WDR7: variants seen among roughly 807,000 people sequenced by gnomAD.
WDR7 encodes the protein WD repeat domain 7, also known as WD repeat-containing protein 7.
A neutral mutation model predicts 169.4 loss-of-function variants in WDR7; 46 were observed. The observed-to-expected ratio is 0.27, with a 90% confidence interval of 0.21 to 0.35. The LOEUF (loss-of-function observed/expected upper bound fraction) is 0.35. WDR7 is among the 10% of genes least tolerant of loss of function. WDR7 has a pLI of 1.00. For synonymous variants in WDR7, 612 were observed against 666.8 expected (o/e 0.92, Z 1.27); for missense variants, 1,534 against 1,859.3 (o/e 0.83, Z 3.22).
At chr18:56,928,545 T>C (rs1266494368) in intron 22 of WDR7, among the ~76,000 whole-genome samples, 7 of 152,198 alleles carry the variant, frequency 4.6e-5, no homozygotes, top group Non-Finnish European at 1.0e-4. Context: ...AAAGAATTGG[T>C]GTGTCTTGAC....
intron 21 of WDR7, among the ~76,000 whole-genome samples, chr18:56,892,041 AC>A (rs2046271217): frequency 6.6e-6 from 1 of 152,060 alleles, no homozygotes; most frequent in Non-Finnish European, 1.5e-5. Flanking sequence ...TACATTATAG[AC>A]CCTGCCTGTC....
intron 26 of WDR7, among the ~76,000 whole-genome samples, chr18:57,001,640 C>T (rs2145887913): frequency 6.6e-6 from 1 of 152,248 alleles, no homozygotes; most frequent in East Asian, 1.9e-4. Flanking sequence ...GTGACCACCA[C>T]CATAATCAGG....
intron 26 of WDR7, among the ~76,000 whole-genome samples, chr18:56,968,111 C>T (rs78396909): frequency 6.8e-6 from 1 of 147,580 alleles, no homozygotes; most frequent in South Asian, 2.2e-4. Flanking sequence ...TGAAGGGCTA[C>T]CAAAAAAAAA....
At chr18:56,733,863 T>C (rs776845054) in intron 14 of WDR7, among the ~76,000 whole-genome samples, 4 of 152,192 alleles carry the variant, frequency 2.6e-5, no homozygotes, top group East Asian at 3.8e-4. Flanking sequence ...ATTCAGTCTT[T>C]TTGAGAGCAG....
chr18:57,020,769 A>G lies in WDR7; in HGVS notation c.4189A>G (p.Ile1397Val), dbSNP rs574508992. The part of the protein sequence containing the change: ...CQTIHGHKGP[I>V]TAVAFAPDGR... Reference sequence around the variant, plus strand: ...GACAATCCATGGACACAAGGGACCAATCACTGCAGTGGCTTTTGCTCCTGA... The same window carrying G: ...GACAATCCATGGACACAAGGGACCAGTCACTGCAGTGGCTTTTGCTCCTGA... Residue 1397 changes from isoleucine to valine, a missense_variant, in exon 27 of 28, where the codon ATC becomes GTC. Ile to Val is a conservative substitution (Grantham distance 29, BLOSUM62 3). Transcript: ENST00000254442. The G allele has an allele frequency of 1.7e-4, 281 of 1,614,212 alleles. 8 individuals carry two copies. In the South Asian group the frequency reaches 2.7e-3, roughly 16 times the overall value.
intron 21 of WDR7, among the ~76,000 whole-genome samples, chr18:56,887,236 G>T (rs2046209795): frequency 6.6e-6 from 1 of 152,120 alleles, no homozygotes; most frequent in Non-Finnish European, 1.5e-5. Flanking sequence ...TATGGAAAGG[G>T]GTTCTGGAGT....
intron 20 of WDR7, among the ~76,000 whole-genome samples, chr18:56,857,968 C>T (rs1408010634): frequency 1.3e-5 from 2 of 152,038 alleles, no homozygotes; most frequent in African/African-American, 4.8e-5. Context: ...GCATTCTCTG[C>T]TTGGTCCCCT....
intron 19 of WDR7, among the ~76,000 whole-genome samples, chr18:56,799,748 A>G (rs2044642375): frequency 6.6e-6 from 1 of 152,198 alleles, no homozygotes; most frequent in Non-Finnish European, 1.5e-5. Flanking sequence ...GCTGTGAAAC[A>G]TTCTAACTGA....
chr18:56,660,245 T>G (rs960965024), intron 1 of WDR7, among the ~76,000 whole-genome samples: 1 of 152,172 alleles, frequency 6.6e-6, no homozygotes, highest in Non-Finnish European at 1.5e-5. Flanking sequence ...GAGAAACTTA[T>G]TAGCTATCCA....
chr18:57,004,824 C>T (rs965141958), intron 26 of WDR7, among the ~76,000 whole-genome samples: 1 of 152,130 alleles, frequency 6.6e-6, no homozygotes, highest in Non-Finnish European at 1.5e-5. Flanking sequence ...CCCATTATGA[C>T]ATTGAGTTCT....
chr18:56,806,855 C>T (rs2044781519), intron 19 of WDR7, among the ~76,000 whole-genome samples: 2 of 152,058 alleles, frequency 1.3e-5, no homozygotes, highest in Non-Finnish European at 2.9e-5. Context: ...TATACCATTG[C>T]ACAGTTATTA....
At position 57,027,168 on chromosome 18, in the gene WDR7, C is replaced by T. The variant is rs370229127; in HGVS notation, c.4434C>T (p.Leu1478=). 25 of 1,614,016 alleles carry T rather than the reference C, an allele frequency of 1.5e-5. No homozygotes were observed. In the African/African-American group the frequency reaches 3.3e-4, roughly 22 times the overall value. The part of the protein sequence containing the change: ...LIWTSNRNVI[L]MAHDGKEHRF... Reference sequence around the variant, plus strand: ...GGACTTCCAACCGCAACGTCATCCTCATGGCCCATGACGGGAAGGAGCACC... The same window carrying T: ...GGACTTCCAACCGCAACGTCATCCTTATGGCCCATGACGGGAAGGAGCACC... The change falls in exon 28 of 28, where the codon CTC becomes CTT. Residue 1478 remains leucine (L), a synonymous_variant. Coordinates refer to ENST00000254442, the MANE Select transcript of WDR7 (RefSeq NM_015285.3).
chr18:57,015,914 A>G (rs2048199237), intron 26 of WDR7, among the ~76,000 whole-genome samples: 1 of 152,134 alleles, frequency 6.6e-6, no homozygotes, highest in African/African-American at 2.4e-5. Context: ...TTTTGACTCC[A>G]TACACACACA....
chr18:56,805,593 G>T (rs996061468), intron 19 of WDR7, among the ~76,000 whole-genome samples: 4 of 151,860 alleles, frequency 2.6e-5, no homozygotes, highest in Non-Finnish European at 5.9e-5. Flanking sequence ...AACTGCTTCT[G>T]GCTCTACCCA....
At chr18:56,955,951 A>G (rs560479813) in intron 25 of WDR7, among the ~76,000 whole-genome samples, 84 of 152,160 alleles carry the variant, frequency 5.5e-4, no homozygotes, top group African/African-American at 1.9e-3. Context: ...TGTGCATGCT[A>G]TTTTTCCTTG....
At chr18:56,934,777 A>G (rs938433012) in intron 22 of WDR7, among the ~76,000 whole-genome samples, 2 of 152,220 alleles carry the variant, frequency 1.3e-5, no homozygotes, top group African/African-American at 4.8e-5. Flanking sequence ...CAGTTTACAT[A>G]TAAAGCACAT....
chr18:56,951,750 C>T (rs1003892395), intron 25 of WDR7, among the ~76,000 whole-genome samples: 3 of 151,972 alleles, frequency 2.0e-5, no homozygotes, highest in Non-Finnish European at 4.4e-5. Flanking sequence ...TGCATATATA[C>T]ACTATGTATA....
intron 21 of WDR7, among the ~76,000 whole-genome samples, chr18:56,915,629 G>A (rs1360030446): frequency 6.6e-6 from 1 of 152,078 alleles, no homozygotes; most frequent in Non-Finnish European, 1.5e-5. Context: ...TAGCCTAGGG[G>A]GGACCAAAGC....
rs192102329 is a variant in WDR7, at chr18:56,861,550, C to T, written c.3305-18394C>T. Among the ~76,000 whole-genome samples, 45 of 152,324 alleles carry T rather than the reference C, an allele frequency of 3.0e-4. 1 individual carries two copies. Among genetic ancestry groups the T allele is most frequent in the Admixed American group, 2.6e-3 (39 of 15,292 alleles). Reference sequence around the variant, plus strand: ...CTCTGGAGTTGTTCCAGCAGCAGAGCAGTCGAGTATTGAGCTTCTACAACA... The same window carrying T: ...CTCTGGAGTTGTTCCAGCAGCAGAGTAGTCGAGTATTGAGCTTCTACAACA... On this transcript the variant is annotated intron_variant, in intron 20 of 27. Transcript: ENST00000254442.
Sources: gnomAD v4.1 joint callset for allele counts (sites outside exome capture counted in the v4.1 genomes callset) on GRCh38, gnomAD v4.1.1 for gene constraint, MANE v1.5 for transcripts, NCBI Gene and HGNC (gene_info 2026-07-23, HGNC 2026-07-21) for gene names.